KCNAB1: variants seen among roughly 807,000 people sequenced by gnomAD.
KCNAB1 encodes potassium voltage-gated channel subfamily A regulatory beta subunit 1.
Under a neutral mutation model 64.6 loss-of-function variants are expected in KCNAB1, and 35 were observed. That is an observed-to-expected ratio of 0.54 (90% CI 0.41 to 0.72). KCNAB1 has a LOEUF of 0.72. KCNAB1 is among the 30% of genes least tolerant of loss of function. The pLI, the probability that KCNAB1 is intolerant of heterozygous loss-of-function variation, is 0.00. For missense variants in KCNAB1, 401 were observed against 512.9 expected (o/e 0.78, Z 2.11); for synonymous variants, 177 against 183.8 (o/e 0.96, Z 0.30).
intron 1 of KCNAB1, among the ~76,000 whole-genome samples, chr3:156,340,872 G>A (rs1724060575): frequency 6.6e-6 from 1 of 152,106 alleles, no homozygotes; most frequent in Admixed American, 6.5e-5. Context: ...AAAATATAAT[G>A]GCAGGCTATT....
chr3:156,382,569 C>A (rs1031791741), intron 1 of KCNAB1, among the ~76,000 whole-genome samples: 1 of 152,184 alleles, frequency 6.6e-6, no homozygotes, highest in African/African-American at 2.4e-5. Context: ...TTTTGTGATA[C>A]TGGTTGGTGC....
At chr3:156,487,800 A>G (rs1715322727) in intron 8 of KCNAB1, among the ~76,000 whole-genome samples, 1 of 152,062 alleles carries the variant, frequency 6.6e-6, no homozygotes, top group Admixed American at 6.6e-5. Context: ...CCCAATAACC[A>G]CTTTAAAATG....
chr3:156,355,360 C>T (rs963262784), intron 1 of KCNAB1, among the ~76,000 whole-genome samples: 15 of 152,182 alleles, frequency 9.9e-5, no homozygotes, highest in African/African-American at 3.6e-4. Context: ...AGCATAAGTG[C>T]TTGCAAGTCC....
chr3:156,264,745 T>C (rs1398298690), intron 1 of KCNAB1, among the ~76,000 whole-genome samples: 1 of 152,168 alleles, frequency 6.6e-6, no homozygotes, highest in Non-Finnish European at 1.5e-5. Flanking sequence ...CAACACAGTA[T>C]TAAAATTATT....
At chr3:156,307,433 C>T (rs751449245) in intron 1 of KCNAB1, among the ~76,000 whole-genome samples, 2 of 151,448 alleles carry the variant, frequency 1.3e-5, no homozygotes, top group Non-Finnish European at 2.9e-5. Context: ...TAAAAAGTTC[C>T]TCTTGCCAGT....
chr3:156,423,830 C>G (rs896192631), intron 2 of KCNAB1, among the ~76,000 whole-genome samples: 1 of 151,824 alleles, frequency 6.6e-6, no homozygotes, highest in Admixed American at 6.6e-5. Context: ...GGAAAATGAG[C>G]CAGGAGCTAA....
chr3:156,311,267 G>A (rs1237972388), intron 1 of KCNAB1, among the ~76,000 whole-genome samples: 1 of 152,234 alleles, frequency 6.6e-6, no homozygotes, highest in Non-Finnish European at 1.5e-5. Context: ...CTATCACCCT[G>A]TGGAAAAGAG....
rs116409930 is a variant in KCNAB1 at position 156,193,752 on chromosome 3, C to T, written c.275+72866C>T. Among the ~76,000 whole-genome samples, 1,050 of 152,230 alleles carry T rather than the reference C, an allele frequency of 6.9e-3. 12 individuals carry two copies. The highest frequency in any genetic ancestry group is 0.024 in the African/African-American group (1,007 of 41,532). On this transcript the variant is annotated intron_variant, in intron 1 of 13. Transcript: ENST00000490337. ...GATCCAAACACCTCCTACCAGGTCC[C>T]TTCCTCGACATGTGGGGCTTATGGG... is the stretch of plus-strand genomic sequence containing the variant.
intron 8 of KCNAB1, among the ~76,000 whole-genome samples, chr3:156,513,353 T>TA (rs1300748884): frequency 2.0e-5 from 3 of 151,966 alleles, no homozygotes; most frequent in Non-Finnish European, 2.9e-5. Context: ...ATAATAATAA[T>TA]AAAAAAATAC....
At chr3:156,433,160 C>T (rs1448033460) in intron 2 of KCNAB1, among the ~76,000 whole-genome samples, 1 of 152,206 alleles carries the variant, frequency 6.6e-6, no homozygotes, top group Non-Finnish European at 1.5e-5. Context: ...GATGCCTGCC[C>T]TCACAGAGCC....
At chr3:156,367,007 A>G (rs1209682204) in intron 1 of KCNAB1, among the ~76,000 whole-genome samples, 4 of 152,166 alleles carry the variant, frequency 2.6e-5, no homozygotes, top group Non-Finnish European at 5.9e-5. Context: ...AGAAAGTCAT[A>G]ATATTGTCAA....
intron 2 of KCNAB1, among the ~76,000 whole-genome samples, chr3:156,443,940 C>T (rs890304860): frequency 6.6e-6 from 1 of 152,102 alleles, no homozygotes; most frequent in African/African-American, 2.4e-5. Context: ...CCCTCAGCCC[C>T]CTTGAGGACC....
chr3:156,212,065 G>T (rs1428789371), intron 1 of KCNAB1, among the ~76,000 whole-genome samples: 1 of 152,152 alleles, frequency 6.6e-6, no homozygotes, highest in Middle Eastern at 3.2e-3. Flanking sequence ...AGGAAGCCTT[G>T]TAAGGGAACT....
chr3:156,482,626 T>C (rs1714913236), intron 8 of KCNAB1, among the ~76,000 whole-genome samples: 1 of 152,086 alleles, frequency 6.6e-6, no homozygotes, highest in Non-Finnish European at 1.5e-5. Context: ...CAGACCTCAA[T>C]TCAAATCCTC....
intron 8 of KCNAB1, among the ~76,000 whole-genome samples, chr3:156,476,270 A>G (rs572808915): frequency 6.6e-6 from 1 of 152,148 alleles, no homozygotes; most frequent in Admixed American, 6.6e-5. Flanking sequence ...ACACTGCACC[A>G]TATTTGTAGT....
rs185900877 is a variant in KCNAB1 at position 156,265,949 on chromosome 3, A to C, written c.275+145063A>C. ...GGAGGTTGCAGTGAGTCGAGATTGC[A>C]CCACTGCACTCCAGCCTGGTGACAC... On this transcript the variant is annotated intron_variant, in intron 1 of 13. Transcript: ENST00000490337. Among the ~76,000 whole-genome samples the C allele has an allele frequency of 8.1e-4, 124 of 152,276 alleles. 1 individual carries two copies. Among genetic ancestry groups the C allele is most frequent in the African/African-American group, 2.9e-3 (122 of 41,554 alleles).
chr3:156,129,311 G>A (rs997436608), intron 1 of KCNAB1, among the ~76,000 whole-genome samples: 1 of 152,074 alleles, frequency 6.6e-6, no homozygotes, highest in Non-Finnish European at 1.5e-5. Flanking sequence ...TCTATGTACC[G>A]AATACTCTGC....
At chr3:156,453,082 T>C in intron 3 of KCNAB1, 146 bp downstream of exon 3, 2 of 533,672 alleles carry the variant, frequency 3.7e-6, no homozygotes, top group Non-Finnish European at 6.7e-6. Flanking sequence ...GAGATTATTG[T>C]TGATTTTATT....
chr3:156,477,775 A>C, intron 8 of KCNAB1, among the ~76,000 whole-genome samples: 1 of 152,134 alleles, frequency 6.6e-6, no homozygotes, highest in Non-Finnish European at 1.5e-5. Flanking sequence ...TGATCTGGGA[A>C]ATAAAGAAGA....
Sources: gnomAD v4.1 joint callset for allele counts (sites outside exome capture counted in the v4.1 genomes callset) on GRCh38, gnomAD v4.1.1 for gene constraint, MANE v1.5 for transcripts, NCBI Gene and HGNC (gene_info 2026-07-23, HGNC 2026-07-21) for gene names.